The following FNIP1 variants were observed in gnomAD, a reference collection of about 807,000 sequenced individuals.
FNIP1 encodes folliculin interacting protein 1.
FNIP1 carries 40 observed loss-of-function variants against 124.5 expected under a neutral mutation model. The ratio of observed to expected loss-of-function variants is 0.32; its 90% CI spans 0.25 to 0.42. The LOEUF (loss-of-function observed/expected upper bound fraction) is 0.42. Among genes scored for constraint, FNIP1 ranks in the 10% least tolerant of loss-of-function variants. The probability of loss-of-function intolerance (pLI) is 1.00; values close to 1 mark genes in which losing one functional copy is unlikely to be tolerated. For missense variants in FNIP1, 1,176 were observed against 1,403.7 expected (o/e 0.84, Z 2.59); for synonymous variants, 472 against 470.6 (o/e 1.00, Z -0.04).
Position 131,718,998 on chromosome 5 carries a change from C to T in FNIP1, c.518G>A (p.Gly173Glu), listed in dbSNP as rs143334697. ...CATAAGCACTTACGTATTGAGACTC[C>T]CACAAATACTGCTGCCAGTCCGAGC... ...FTARTGSSIC[G>E]SLNTLQDSLE... Residue 173 changes from glycine (G) to glutamate (E), a missense_variant, in exon 5 of 18, where the codon GGG (glycine) becomes GAG (glutamate). Gly to Glu is a moderately conservative substitution (Grantham distance 98). This residue lies in a region of FNIP1 where 1,109 missense variants were observed against 1,288.5 expected (regional missense o/e 0.86). Transcript: ENST00000510461. 214 of 1,613,160 alleles carry T rather than the reference C, an allele frequency of 1.3e-4. 1 individual carries two copies. The highest frequency in any genetic ancestry group is 4.7e-4 in the African/African-American group (35 of 75,002).
At chr5:131,703,532 T>A (rs1186788349) in intron 10 of FNIP1, among the ~76,000 whole-genome samples, 1 of 152,250 alleles carries the variant, frequency 6.6e-6, no homozygotes, top group Non-Finnish European at 1.5e-5. Flanking sequence ...GCTGCTTAAG[T>A]ATCAGGCTTA....
At chr5:131,774,525 A>C (rs1771739346) in intron 1 of FNIP1, among the ~76,000 whole-genome samples, 1 of 152,188 alleles carries the variant, frequency 6.6e-6, no homozygotes, top group Non-Finnish European at 1.5e-5. Context: ...TACGTTCTGT[A>C]AGATTTTGAA....
intron 2 of FNIP1, among the ~76,000 whole-genome samples, chr5:131,732,063 T>C (rs994021851): frequency 6.6e-6 from 1 of 152,232 alleles, no homozygotes. Context: ...TTCCTCTTTC[T>C]CTTTTTCCTC....
chr5:131,675,502 T>C (rs1218015837), intron 13 of FNIP1, among the ~76,000 whole-genome samples: 2 of 152,140 alleles, frequency 1.3e-5, no homozygotes, highest in East Asian at 3.9e-4. Flanking sequence ...TAATTTGATT[T>C]TAAAAAGGTC....
chr5:131,758,879 G>A (rs751608902), intron 1 of FNIP1, among the ~76,000 whole-genome samples: 2 of 152,000 alleles, frequency 1.3e-5, no homozygotes, highest in Non-Finnish European at 2.9e-5. Context: ...GTTCTTGGTG[G>A]GGAGGGGAAG....
intron 1 of FNIP1, among the ~76,000 whole-genome samples, chr5:131,795,184 T>C (rs897480571): frequency 2.0e-5 from 3 of 152,154 alleles, no homozygotes; most frequent in African/African-American, 7.2e-5. Context: ...TGTACTGCAG[T>C]TATTGGGCTT....
At chr5:131,747,544 A>G (rs934892888) in intron 1 of FNIP1, among the ~76,000 whole-genome samples, 2 of 152,212 alleles carry the variant, frequency 1.3e-5, no homozygotes, top group Admixed American at 6.5e-5. Context: ...ACAAAGGATG[A>G]AAATAGGGAA....
intron 11 of FNIP1, among the ~76,000 whole-genome samples, chr5:131,686,897 A>C (rs56225468): frequency 6.6e-6 from 1 of 151,836 alleles, no homozygotes; most frequent in Non-Finnish European, 1.5e-5. Flanking sequence ...TATTACCAAA[A>C]GAGTTTGTGA....
intron 10 of FNIP1, among the ~76,000 whole-genome samples, chr5:131,703,048 T>C (rs1357126895): frequency 1.3e-5 from 2 of 152,182 alleles, no homozygotes; most frequent in African/African-American, 4.8e-5. Context: ...AGGATGTCCA[T>C]ATGCAAATAT....
At chr5:131,650,670 A>C (rs370122260) in intron 16 of FNIP1, among the ~76,000 whole-genome samples, 194 of 152,314 alleles carry the variant, frequency 1.3e-3, no homozygotes, top group African/African-American at 4.4e-3. Flanking sequence ...AGAAGTAGGG[A>C]AAGTGGGTCT....
chr5:131,685,711 A>G (rs370678467), intron 11 of FNIP1, among the ~76,000 whole-genome samples: 3 of 151,944 alleles, frequency 2.0e-5, no homozygotes, highest in African/African-American at 7.3e-5. Context: ...TCCTCAGCCT[A>G]TCAAAGTGCT....
At chr5:131,771,081 CT>C (rs1462549522) in intron 1 of FNIP1, among the ~76,000 whole-genome samples, 1 of 152,106 alleles carries the variant, frequency 6.6e-6, no homozygotes, top group Non-Finnish European at 1.5e-5. Flanking sequence ...AACGCTATCC[CT>C]CCCCACTCCC....
chr5:131,679,193 C>A lies in FNIP1; in HGVS notation c.1203-18G>T, dbSNP rs776698229. The A allele has an allele frequency of 6.9e-7, 1 of 1,452,814 alleles. No individual in the cohort carries two copies. The highest frequency in any genetic ancestry group is 1.2e-5 in the South Asian group (1 of 85,674). The allele number at this position is 1,452,814 out of a possible 1,614,324, so 90.0% of individuals were successfully genotyped here. ...TTGTTGTTCTAAAAAGAGGAAGACA[C>A]ATTATGAAATGTATAGTTCCAAGAG... On this transcript the variant is annotated intron_variant, in intron 11 of 17. Coordinates refer to ENST00000510461, the MANE Select transcript of FNIP1 (RefSeq NM_133372.3).
At position 131,672,329 on chromosome 5, in the gene FNIP1, T is replaced by C. The variant is rs769749960; in HGVS notation, c.2115A>G (p.Thr705=). The change falls in exon 14 of 18, where the codon ACA becomes ACG. Residue 705 remains threonine (T), a synonymous_variant. Coordinates refer to ENST00000510461, the MANE Select transcript of FNIP1 (RefSeq NM_133372.3). ...SESGLESTEE[T]WQSEKLLDSD... The stretch of plus-strand genomic sequence containing the variant: ...AATCCAGCAACTTCTCACTCTGCCA[T>C]GTTTCCTCTGTTGACTCTAAGCCTG... 9 of 1,614,222 alleles carry C rather than the reference T, an allele frequency of 5.6e-6. No homozygotes were observed. The highest frequency in any genetic ancestry group is 7.6e-6 in the Non-Finnish European group (9 of 1,180,024).
At chr5:131,706,278 T>C in intron 9 of FNIP1, 133 bp downstream of exon 9, 1 of 965,384 alleles carries the variant, frequency 1.0e-6, no homozygotes, top group South Asian at 2.3e-5. Flanking sequence ...ATTTTAAAAA[T>C]GTAGTAAATT....
intron 15 of FNIP1, among the ~76,000 whole-genome samples, chr5:131,660,379 C>T (rs1269812319): frequency 6.6e-6 from 1 of 152,162 alleles, no homozygotes; most frequent in African/African-American, 2.4e-5. Context: ...CACTATTGTG[C>T]ACTGGCATTT....
intron 1 of FNIP1, among the ~76,000 whole-genome samples, chr5:131,795,239 C>T (rs1002350089): frequency 2.0e-5 from 3 of 152,174 alleles, no homozygotes; most frequent in Non-Finnish European, 4.4e-5. Flanking sequence ...TAGTTATCTG[C>T]ACTGCTACTT....
intron 3 of FNIP1, among the ~76,000 whole-genome samples, chr5:131,729,182 T>C (rs192617182): frequency 1.2e-3 from 184 of 152,126 alleles, no homozygotes; most frequent in Non-Finnish European, 2.1e-3. Context: ...CTTGAGGAGG[T>C]AGTCTGTCCC....
At chr5:131,750,228 T>C (rs1485297140) in intron 1 of FNIP1, among the ~76,000 whole-genome samples, 1 of 152,096 alleles carries the variant, frequency 6.6e-6, no homozygotes, top group African/African-American at 2.4e-5. Context: ...TGAATTGATC[T>C]AAGCTAGTTA....
Sources: allele counts gnomAD v4.1 joint callset (sites outside exome capture counted in the v4.1 genomes callset), GRCh38; gene constraint gnomAD v4.1.1; regional missense constraint gnomAD v4.1.1; transcripts MANE v1.5; gene names NCBI Gene and HGNC (gene_info 2026-07-23, HGNC 2026-07-21).